Variants in CDH13 observed in about 807,000 individuals in gnomAD.
The protein encoded by CDH13 is cadherin 13, also known as cadherin-13.
A neutral mutation model predicts 63.8 loss-of-function variants in CDH13; 24 were observed. The ratio of observed to expected loss-of-function variants is 0.38; its 90% CI spans 0.27 to 0.53. CDH13 has a LOEUF of 0.53. Ranked by LOEUF, CDH13 falls within the 20% of genes least tolerant of loss-of-function variation. The probability of loss-of-function intolerance (pLI) is 0.85; values close to 1 mark genes in which losing one functional copy is unlikely to be tolerated. For missense variants in CDH13, 1,049 were observed against 903.1 expected (o/e 1.16, Z -2.07); for synonymous variants, 503 against 355.3 (o/e 1.42, Z -4.67).
chr16:83,633,664 G>C lies in CDH13; in HGVS notation c.1101+31070G>C, dbSNP rs146621276. On this transcript the variant is annotated intron_variant, in intron 8 of 13. Coordinates refer to ENST00000567109, the MANE Select transcript of CDH13 (RefSeq NM_001257.5). ...CTGATTGCTCATTGGTGGAGGCTTG[G>C]CTTCCAGGAAGACGCACACTGGCTT... 3.9e-3 allele frequency among the ~76,000 whole-genome samples: 587 copies of C among 152,226 alleles called. 5 individuals carry two copies. Among genetic ancestry groups the C allele is most frequent in the African/African-American group, 0.013 (558 of 41,544 alleles).
intron 5 of CDH13, among the ~76,000 whole-genome samples, chr16:83,267,117 A>C (rs1907717082): frequency 6.6e-6 from 1 of 152,208 alleles, no homozygotes; most frequent in Non-Finnish European, 1.5e-5. Context: ...CAGCAGAGAC[A>C]TGCATGCCTC....
intron 3 of CDH13, among the ~76,000 whole-genome samples, chr16:83,065,205 G>T (rs1042190226): frequency 6.6e-6 from 1 of 152,304 alleles, no homozygotes; most frequent in South Asian, 2.1e-4. Flanking sequence ...GATTCTAGAA[G>T]TTATCCCTGA....
chr16:83,063,139 T>G (rs567300112), intron 3 of CDH13, among the ~76,000 whole-genome samples: 30 of 152,194 alleles, frequency 2.0e-4, no homozygotes, highest in Non-Finnish European at 3.2e-4. Flanking sequence ...TTTTTGTATT[T>G]TTAGTAGAGA....
intron 2 of CDH13, among the ~76,000 whole-genome samples, chr16:82,984,221 A>G (rs1170854582): frequency 6.6e-6 from 1 of 152,242 alleles, no homozygotes; most frequent in African/African-American, 2.4e-5. Flanking sequence ...TTGCAATTGA[A>G]TTAGCCAGCC....
intron 1 of CDH13, among the ~76,000 whole-genome samples, chr16:82,857,985 T>C (rs1467052424): frequency 1.3e-5 from 2 of 152,198 alleles, no homozygotes; most frequent in East Asian, 1.9e-4. Context: ...CTCCTCTTCA[T>C]AGATGACAAT....
intron 2 of CDH13, among the ~76,000 whole-genome samples, chr16:82,977,507 GC>G (rs1403787431): frequency 6.6e-6 from 1 of 152,136 alleles, no homozygotes; most frequent in African/African-American, 2.4e-5. Context: ...TTTATATGGG[GC>G]TTTTCCCCCT....
intron 2 of CDH13, among the ~76,000 whole-genome samples, chr16:82,944,369 G>A (rs143692544): frequency 1.4e-4 from 21 of 152,248 alleles, no homozygotes; most frequent in African/African-American, 4.8e-4. Flanking sequence ...GGGCTTTGGT[G>A]GACTCCTTTA....
intron 2 of CDH13, among the ~76,000 whole-genome samples, chr16:82,946,697 G>C (rs1337299900): frequency 1.4e-4 from 21 of 149,528 alleles, no homozygotes; most frequent in Admixed American, 2.0e-4. Context: ...CTCCAGCGTG[G>C]GTGACAGAAT....
chr16:83,025,129 C>G (rs922443373), intron 2 of CDH13, among the ~76,000 whole-genome samples: 2 of 152,206 alleles, frequency 1.3e-5, no homozygotes, highest in African/African-American at 4.8e-5. Flanking sequence ...GGTGATCATT[C>G]TCATTCATGG....
In CDH13 at chr16:83,306,385, TTGAG is replaced by T. The variant is rs560120552; in HGVS notation, c.637-38471_637-38468del. On this transcript the variant is annotated intron_variant, in intron 5 of 13. Transcript: ENST00000567109. ...TGTCTCACAAATGCTGTTCTGGAGT[TTGAG>T]TGAGTTCTTGCTTTTGAGAGCCCAG... Among the ~76,000 whole-genome samples the T allele has an allele frequency of 7.8e-4, 118 of 152,212 alleles. 2 individuals are homozygous for T. The South Asian group carries it at 0.024, about 31-fold the overall frequency.
Position 83,528,673 on chromosome 16 carries a change from T to C in CDH13, c.960+42018T>C, listed in dbSNP as rs73605887. Among the ~76,000 whole-genome samples, 1,453 of 152,314 alleles carry C rather than the reference T, an allele frequency of 9.5e-3. 19 individuals carry two copies. The highest frequency in any genetic ancestry group is 0.033 in the African/African-American group (1,388 of 41,568). On this transcript the variant is annotated intron_variant, in intron 7 of 13. Coordinates refer to ENST00000567109, the MANE Select transcript of CDH13 (RefSeq NM_001257.5). The stretch of plus-strand genomic sequence containing the variant: ...TAAATTTCCCAACTATCTCCATCTA[T>C]CTCTAAATTCTCTGACAGTGCTGAG...
At chr16:83,571,642 G>C (rs1317873485) in intron 7 of CDH13, among the ~76,000 whole-genome samples, 1 of 152,090 alleles carries the variant, frequency 6.6e-6, no homozygotes. Context: ...CATGTGCCTT[G>C]AGAATCCAGC....
At chr16:82,675,699 C>T (rs1913819941) in intron 1 of CDH13, among the ~76,000 whole-genome samples, 1 of 152,174 alleles carries the variant, frequency 6.6e-6, no homozygotes, top group Non-Finnish European at 1.5e-5. Context: ...AAAGAACCTT[C>T]TGGGTTCCCT....
At chr16:83,002,536 A>T (rs1451922386) in intron 2 of CDH13, among the ~76,000 whole-genome samples, 1 of 152,258 alleles carries the variant, frequency 6.6e-6, no homozygotes, top group Non-Finnish European at 1.5e-5. Context: ...TTAATACAAT[A>T]GGCTAAACAG....
chr16:83,516,376 C>G lies in CDH13; in HGVS notation c.960+29721C>G, dbSNP rs139644042. 5.0e-4 allele frequency among the ~76,000 whole-genome samples: 76 copies of G among 152,312 alleles called. 1 individual carries two copies. In the East Asian group the frequency reaches 0.014, roughly 29 times the overall value. On this transcript the variant is annotated intron_variant, in intron 7 of 13. Transcript: ENST00000567109. Reference sequence around the variant, plus strand: ...GTCATCTCTCTTTATGAACACTCCACTAGTTTCTAGCCTATAAAAATAGTG... The same window carrying G: ...GTCATCTCTCTTTATGAACACTCCAGTAGTTTCTAGCCTATAAAAATAGTG...
chr16:83,045,073 G>T (rs1286232606), intron 3 of CDH13, among the ~76,000 whole-genome samples: 1 of 152,150 alleles, frequency 6.6e-6, no homozygotes, highest in East Asian at 1.9e-4. Context: ...CTCCCAGAGA[G>T]ATTCACATGG....
intron 11 of CDH13, among the ~76,000 whole-genome samples, chr16:83,778,268 G>A (rs1431696030): frequency 6.6e-6 from 1 of 152,234 alleles, no homozygotes; most frequent in East Asian, 1.9e-4. Flanking sequence ...AATGGCTCAT[G>A]CCTGTAATCC....
chr16:82,692,619 TG>T (rs932317419), intron 1 of CDH13, among the ~76,000 whole-genome samples: 1 of 152,222 alleles, frequency 6.6e-6, no homozygotes, highest in African/African-American at 2.4e-5. Flanking sequence ...GAGATTTGAA[TG>T]GGAGCCCAGC....
intron 1 of CDH13, among the ~76,000 whole-genome samples, chr16:82,664,536 T>G (rs113394779): frequency 0.025 from 3,784 of 152,304 alleles, 154 homozygotes; most frequent in African/African-American, 0.086. Flanking sequence ...CAGTGTGCCT[T>G]TGAAGCATGA....
Sources: gnomAD v4.1 joint callset for allele counts (sites outside exome capture counted in the v4.1 genomes callset) on GRCh38, gnomAD v4.1.1 for gene constraint, MANE v1.5 for transcripts, NCBI Gene and HGNC (gene_info 2026-07-23, HGNC 2026-07-21) for gene names.